FSTL5: variants seen among roughly 807,000 people sequenced by gnomAD.
The protein encoded by FSTL5 is follistatin like 5.
Under a neutral mutation model 89.1 loss-of-function variants are expected in FSTL5, and 62 were observed. The ratio of observed to expected loss-of-function variants is 0.70; its 90% CI spans 0.57 to 0.86. The LOEUF (loss-of-function observed/expected upper bound fraction) is 0.86. Ranked by LOEUF, FSTL5 falls within the 40% of genes least tolerant of loss-of-function variation. The probability of loss-of-function intolerance (pLI) is 0.00; values close to 1 mark genes in which losing one functional copy is unlikely to be tolerated. For synonymous variants in FSTL5, 383 were observed against 346.2 expected (o/e 1.11, Z -1.18); for missense variants, 1,057 against 1,001.6 (o/e 1.06, Z -0.75).
chr4:161,813,684 T>A (rs1371456436), intron 4 of FSTL5, among the ~76,000 whole-genome samples: 1 of 152,216 alleles, frequency 6.6e-6, no homozygotes, highest in Non-Finnish European at 1.5e-5. Context: ...TTTGCCTTAG[T>A]TATTTTATCT....
intron 10 of FSTL5, among the ~76,000 whole-genome samples, chr4:161,512,209 T>C (rs1332324360): frequency 6.6e-6 from 1 of 152,070 alleles, no homozygotes; most frequent in Non-Finnish European, 1.5e-5. Context: ...TATACAAAAA[T>C]AACAACGCAT....
intron 8 of FSTL5, among the ~76,000 whole-genome samples, chr4:161,564,454 AT>A (rs1732728698): frequency 1.3e-5 from 2 of 151,052 alleles, no homozygotes; most frequent in African/African-American, 4.8e-5. Context: ...TTTTGCTAAA[AT>A]ATAACAATAT....
At chr4:161,412,358 C>A (rs947508751) in intron 15 of FSTL5, among the ~76,000 whole-genome samples, 1 of 151,844 alleles carries the variant, frequency 6.6e-6, no homozygotes, top group African/African-American at 2.4e-5. Context: ...TCATATAGAA[C>A]CAAAAAGAGC....
chr4:161,815,747 G>A (rs1374881233), intron 4 of FSTL5, among the ~76,000 whole-genome samples: 3 of 151,898 alleles, frequency 2.0e-5, no homozygotes, highest in Non-Finnish European at 2.9e-5. Context: ...TATATTCAGC[G>A]AATAATTTAG....
intron 4 of FSTL5, among the ~76,000 whole-genome samples, chr4:161,782,195 T>A (rs1741696979): frequency 6.6e-6 from 1 of 152,222 alleles, no homozygotes; most frequent in African/African-American, 2.4e-5. Flanking sequence ...AAAGCTGCTA[T>A]AAACATCTGT....
chr4:162,111,698 A>G (rs72984743), intron 1 of FSTL5, among the ~76,000 whole-genome samples: 374 of 152,268 alleles, frequency 2.5e-3, no homozygotes, highest in African/African-American at 8.1e-3. Flanking sequence ...AGGTTGAAAG[A>G]AAAGGGGAAA....
intron 2 of FSTL5, among the ~76,000 whole-genome samples, chr4:162,064,248 A>G (rs1738815470): frequency 6.6e-6 from 1 of 152,038 alleles, no homozygotes; most frequent in Non-Finnish European, 1.5e-5. Context: ...AACCTTTGGT[A>G]CCTGCATGAT....
intron 15 of FSTL5, among the ~76,000 whole-genome samples, chr4:161,424,288 G>T (rs955854303): frequency 6.6e-6 from 1 of 151,402 alleles, no homozygotes; most frequent in African/African-American, 2.4e-5. Flanking sequence ...TCTTGAAGTG[G>T]TTTTAATATA....
At chr4:161,999,675 C>A (rs1736405005) in intron 3 of FSTL5, among the ~76,000 whole-genome samples, 2 of 152,148 alleles carry the variant, frequency 1.3e-5, no homozygotes. Context: ...GCTAAATTGT[C>A]ACCATGATAG....
At chr4:161,798,838 A>C (rs577555163) in intron 4 of FSTL5, among the ~76,000 whole-genome samples, 1 of 151,888 alleles carries the variant, frequency 6.6e-6, no homozygotes, top group African/African-American at 2.4e-5. Context: ...CTGTTTTAAT[A>C]AAGAAAAAAA....
intron 4 of FSTL5, among the ~76,000 whole-genome samples, chr4:161,893,118 C>T (rs777520364): frequency 7.2e-5 from 11 of 152,100 alleles, no homozygotes; most frequent in Non-Finnish European, 1.5e-4. Context: ...CTTAAAGATA[C>T]TTCTGCTTTT....
chr4:161,724,615 T>C (rs554437399), intron 6 of FSTL5, among the ~76,000 whole-genome samples: 78 of 152,334 alleles, frequency 5.1e-4, no homozygotes, highest in African/African-American at 1.8e-3. Context: ...ATTGCCTTAG[T>C]TTCTATGTCT....
intron 2 of FSTL5, among the ~76,000 whole-genome samples, chr4:162,098,891 G>T (rs1730873933): frequency 6.6e-6 from 1 of 151,934 alleles, no homozygotes; most frequent in Admixed American, 6.6e-5. Flanking sequence ...GCAACAAAAA[G>T]AATCCACACA....
chr4:161,620,987 G>A (rs1489509205), intron 7 of FSTL5, among the ~76,000 whole-genome samples: 1 of 151,652 alleles, frequency 6.6e-6, no homozygotes, highest in Non-Finnish European at 1.5e-5. Flanking sequence ...AGTAATAGAG[G>A]AAAAGAAAAA....
intron 4 of FSTL5, among the ~76,000 whole-genome samples, chr4:161,792,278 G>A (rs569757785): frequency 1.3e-5 from 2 of 152,268 alleles, no homozygotes; most frequent in African/African-American, 4.8e-5. Flanking sequence ...ACAACAAGCA[G>A]GGGAAGAGGC....
intron 4 of FSTL5, among the ~76,000 whole-genome samples, chr4:161,779,799 A>ATGTG (rs1553965262): frequency 2.5e-5 from 1 of 40,036 alleles, no homozygotes; most frequent in South Asian, 8.3e-4. Flanking sequence ...ATATATATAT[A>ATGTG]TATATATATA....
intron 6 of FSTL5, among the ~76,000 whole-genome samples, chr4:161,674,446 T>C (rs1036450698): frequency 6.6e-6 from 1 of 152,178 alleles, no homozygotes; most frequent in Non-Finnish European, 1.5e-5. Context: ...ATTGCTGCCC[T>C]GGTCTTTGAT....
intron 4 of FSTL5, among the ~76,000 whole-genome samples, chr4:161,848,846 T>C (rs1731461415): frequency 6.6e-6 from 1 of 152,146 alleles, no homozygotes; most frequent in African/African-American, 2.4e-5. Flanking sequence ...ACATCTCACT[T>C]TTACTTGCAT....
intron 2 of FSTL5, among the ~76,000 whole-genome samples, chr4:162,100,574 T>C (rs140182386): frequency 3.9e-5 from 6 of 152,312 alleles, no homozygotes; most frequent in African/African-American, 1.2e-4. Flanking sequence ...TTTTGTCTGA[T>C]ACTATAGTGG....
Sources: allele counts gnomAD v4.1 joint callset (sites outside exome capture counted in the v4.1 genomes callset), GRCh38; gene constraint gnomAD v4.1.1; transcripts MANE v1.5; gene names NCBI Gene and HGNC (gene_info 2026-07-23, HGNC 2026-07-21).